TXNDC12: variants seen among roughly 807,000 people sequenced by gnomAD.
TXNDC12 encodes thioredoxin domain-containing protein 12.
A neutral mutation model predicts 24.2 loss-of-function variants in TXNDC12; 22 were observed. The observed-to-expected ratio is 0.91, with a 90% CI of 0.65 to 1.30. The LOEUF (loss-of-function observed/expected upper bound fraction) is 1.30, where lower values mean the gene tolerates loss of function less well. TXNDC12 is among the 50% of genes most tolerant of loss of function. TXNDC12 has a pLI of 0.00. For synonymous variants in TXNDC12, 58 were observed against 73.4 expected, an observed-to-expected ratio of 0.79 and a Z score of 1.07; for missense variants, 184 against 205.8, an observed-to-expected ratio of 0.89 and a Z score of 0.65.
intron 5 of TXNDC12, 65 bp downstream of exon 5, chr1:52,024,445 G>C: frequency 7.8e-7 from 1 of 1,282,540 alleles, no homozygotes; most frequent in African/African-American, 1.5e-5. Flanking sequence ...GGTGAAGTCA[G>C]TGCCTTGATT....
upstream of TXNDC12, chr1:52,055,583 C>CA (rs1303282589): frequency 5.9e-6 from 1 of 170,854 alleles, no homozygotes; most frequent in Non-Finnish European, 1.3e-5. Flanking sequence ...CTTACCCCTC[C>CA]ACAAATCAAG....
At chr1:52,021,525 A>G (rs1052626109) in intron 6 of TXNDC12, among the ~76,000 whole-genome samples, 10 of 148,914 alleles carry the variant, frequency 6.7e-5, no homozygotes, top group Non-Finnish European at 1.2e-4. Flanking sequence ...CATTTCCAGT[A>G]TCAACTATAC....
chr1:52,034,122 G>C, intron 2 of TXNDC12: 1 of 1,153,402 alleles, frequency 8.7e-7, no homozygotes, highest in Non-Finnish European at 1.1e-6. Flanking sequence ...ATAAATGCTG[G>C]TTCTCCTTCA....
Position 52,033,146 on chromosome 1 carries a change from G to T in TXNDC12, c.159-4516C>A, listed in dbSNP as rs144687276. The T allele has an allele frequency of 1.3e-4, 211 of 1,614,212 alleles. 3 individuals are homozygous for T. In the South Asian group the frequency reaches 1.7e-3, roughly 13 times the overall value. ...AGCGTTAGGGCCTCCAGGAGTTCGG[G>T]AGAGTAAAAGGCACCGGACCCATGC... On this transcript the variant is annotated intron_variant, in intron 2 of 6. Transcript: ENST00000371626.
chr1:52,029,878 G>A (rs1166974654), intron 2 of TXNDC12, among the ~76,000 whole-genome samples: 1 of 152,150 alleles, frequency 6.6e-6, no homozygotes, highest in African/African-American at 2.4e-5. Context: ...AATGAGCAGG[G>A]CAAGTTTAGG....
chr1:52,042,103 A>C (rs1422370932), intron 1 of TXNDC12, among the ~76,000 whole-genome samples: 1 of 152,194 alleles, frequency 6.6e-6, no homozygotes, highest in Non-Finnish European at 1.5e-5. Flanking sequence ...TAAAAGCAAG[A>C]CAATAAGACC....
Position 52,053,381 on chromosome 1 carries a change from C to T in TXNDC12, c.97+1619G>A, listed in dbSNP as rs988082911. Among the ~76,000 whole-genome samples, 4 of 151,722 alleles carry T rather than the reference C, an allele frequency of 2.6e-5. 1 individual carries two copies. Among genetic ancestry groups the T allele is most frequent in the African/African-American group, 9.7e-5 (4 of 41,310 alleles). On this transcript the variant is annotated intron_variant, in intron 1 of 6. Coordinates refer to ENST00000371626, the MANE Select transcript of TXNDC12 (RefSeq NM_015913.4). ...ACTTACAACTTTAAATATACAGTAG[C>T]TGGCTGGGCGCAGTGGCTCATGCCT... is the stretch of plus-strand genomic sequence containing the variant.
At chr1:52,032,782 G>A in intron 2 of TXNDC12, 1 of 1,614,212 alleles carries the variant, frequency 6.2e-7, no homozygotes, top group Non-Finnish European at 8.5e-7. Flanking sequence ...TTTAGTGTAC[G>A]AAATAAACTG....
chr1:52,040,780 C>G (rs1264854006), intron 2 of TXNDC12, among the ~76,000 whole-genome samples: 2 of 152,090 alleles, frequency 1.3e-5, no homozygotes, highest in Non-Finnish European at 2.9e-5. Context: ...TCTGTAATCC[C>G]AGCACTTTGG....
intron 2 of TXNDC12, chr1:52,032,487 C>T: frequency 2.3e-6 from 3 of 1,333,088 alleles, no homozygotes; most frequent in Non-Finnish European, 2.9e-6. Context: ...CAGGTTGCAC[C>T]ACAATAGTTC....
At chr1:52,053,747 C>A (rs1686266590) in intron 1 of TXNDC12, among the ~76,000 whole-genome samples, 1 of 152,180 alleles carries the variant, frequency 6.6e-6, no homozygotes, top group South Asian at 2.1e-4. Flanking sequence ...TCTGGCCTAA[C>A]AGGATTTGTC....
chr1:52,022,669 C>T (rs2252961), intron 6 of TXNDC12, among the ~76,000 whole-genome samples: 7,435 of 132,162 alleles, frequency 0.056, 259 homozygotes, highest in East Asian at 0.14. Context: ...GACAGAGTCT[C>T]GCTCTGTCAC....
chr1:52,032,568 G>A (rs1685782664), intron 2 of TXNDC12: 11 of 1,415,148 alleles, frequency 7.8e-6, no homozygotes, highest in Non-Finnish European at 1.0e-5. Context: ...GAAAGTTTGA[G>A]TGAATCAGTC....
chr1:52,046,868 T>C (rs12140163), intron 1 of TXNDC12, among the ~76,000 whole-genome samples: 35 of 18,344 alleles, frequency 1.9e-3, no homozygotes, highest in Admixed American at 9.3e-3. Flanking sequence ...AAAAAAAAAA[T>C]ATATATATAT....
At chr1:52,037,704 C>T (rs1685911258) in intron 2 of TXNDC12, among the ~76,000 whole-genome samples, 1 of 152,198 alleles carries the variant, frequency 6.6e-6, no homozygotes. Context: ...TATTGCACAA[C>T]CTAAACACTG....
At chr1:52,036,754 T>G (rs1685890097) in intron 2 of TXNDC12, among the ~76,000 whole-genome samples, 1 of 152,354 alleles carries the variant, frequency 6.6e-6, no homozygotes, top group African/African-American at 2.4e-5. Context: ...CTCTTCTACG[T>G]GTTTTTCCTC....
At chr1:52,046,853 TAAA>T (rs753854382) in intron 1 of TXNDC12, among the ~76,000 whole-genome samples, 190 of 127,640 alleles carry the variant, frequency 1.5e-3, no homozygotes, top group African/African-American at 3.0e-3. Flanking sequence ...CCATCTCTAC[TAAA>T]AAAAAAAAAA....
At chr1:52,049,426 C>T (rs1331026352) in intron 1 of TXNDC12, among the ~76,000 whole-genome samples, 1 of 152,054 alleles carries the variant, frequency 6.6e-6, no homozygotes, top group Non-Finnish European at 1.5e-5. Context: ...CCCGTCTCTA[C>T]TCTACAAAAA....
At chr1:52,021,118 A>G in intron 6 of TXNDC12, 106 bp from the exon 7 acceptor site, 1 of 837,008 alleles carries the variant, frequency 1.2e-6, no homozygotes, top group Non-Finnish European at 2.0e-6. Flanking sequence ...AGAGGAGTAC[A>G]AGATCTGGAC....
Sources: gnomAD v4.1 joint callset for allele counts (sites outside exome capture counted in the v4.1 genomes callset) on GRCh38, gnomAD v4.1.1 for gene constraint, MANE v1.5 for transcripts, NCBI Gene and HGNC (gene_info 2026-07-23, HGNC 2026-07-21) for gene names.